Variants in SRFBP1 observed in about 807,000 individuals in gnomAD.
SRFBP1 encodes serum response factor binding protein 1.
In SRFBP1, 47 loss-of-function variants were observed where a neutral mutation model predicts 45.5. That is an observed-to-expected ratio of 1.03 (90% CI 0.82 to 1.32). The LOEUF is 1.32. Ranked by LOEUF, SRFBP1 falls within the 40% of genes most tolerant of loss-of-function variation. The pLI is 0.00. For synonymous variants in SRFBP1, 203 were observed against 166.3 expected, an observed-to-expected ratio of 1.22 and a Z score of -1.70; for missense variants, 621 against 484.6, an observed-to-expected ratio of 1.28 and a Z score of -2.64.
chr5:122,059,347 A>T lies in SRFBP1; in HGVS notation n.312-15968A>T, dbSNP rs868690753. Among the ~76,000 whole-genome samples, 9 of 152,156 alleles carry T rather than the reference A, an allele frequency of 5.9e-5. No homozygotes were observed. The Middle Eastern group carries it at 0.01, about 173-fold the overall frequency. ...GAGCAGGTTGCCTAAATTAGTGAGG[A>T]AACTGTACCATGTATGTGTTTTTTA... On this transcript the variant is annotated intron_variant and non_coding_transcript_variant, in intron 2 of 2. Coordinates refer to the SRFBP1 transcript ENST00000504881.
chr5:121,971,297 A>G (rs1752189676), intron 1 of SRFBP1, among the ~76,000 whole-genome samples: 1 of 152,024 alleles, frequency 6.6e-6, no homozygotes, highest in Admixed American at 6.6e-5. Context: ...AAGATAGGGA[A>G]AAAAGTGGTA....
At chr5:121,974,910 C>T (rs1290855444) in intron 2 of SRFBP1, among the ~76,000 whole-genome samples, 1 of 151,686 alleles carries the variant, frequency 6.6e-6, no homozygotes, top group Non-Finnish European at 1.5e-5. Context: ...TATAGCCCTT[C>T]TTTATTTTTT....
intron 2 of SRFBP1, among the ~76,000 whole-genome samples, chr5:122,067,305 GA>G (rs535456510): frequency 4.8e-4 from 70 of 146,378 alleles, no homozygotes; most frequent in South Asian, 8.6e-4. Context: ...TCTGTGAGGA[GA>G]AAAAAAAAAA....
At chr5:122,066,468 T>C (rs1336152980) in intron 2 of SRFBP1, 8 of 357,414 alleles carry the variant, frequency 2.2e-5, no homozygotes, top group Non-Finnish European at 4.1e-5. Context: ...TTGGATTTCT[T>C]TGAAAGAGTC....
chr5:122,060,543 TACA>T (rs1363374318), intron 2 of SRFBP1, among the ~76,000 whole-genome samples: 2 of 152,066 alleles, frequency 1.3e-5, no homozygotes, highest in Non-Finnish European at 2.9e-5. Context: ...CTGTAGTATC[TACA>T]ACGACTGGGT....
chr5:122,001,179 A>G (rs1420308948), intron 4 of SRFBP1, among the ~76,000 whole-genome samples: 1 of 151,926 alleles, frequency 6.6e-6, no homozygotes, highest in Non-Finnish European at 1.5e-5. Flanking sequence ...ACTTTAAAAT[A>G]TACTATGATA....
At chr5:122,069,286 G>A (rs1215533689) in intron 2 of SRFBP1, among the ~76,000 whole-genome samples, 1 of 152,086 alleles carries the variant, frequency 6.6e-6, no homozygotes, top group Non-Finnish European at 1.5e-5. Context: ...CATTCCAATG[G>A]AAATAGTATT....
chr5:122,053,816 A>G (rs1310256111), intron 2 of SRFBP1, among the ~76,000 whole-genome samples: 2 of 152,122 alleles, frequency 1.3e-5, no homozygotes, highest in Non-Finnish European at 2.9e-5. Flanking sequence ...CCTCCTGGCT[A>G]TCAGTGGTGG....
At chr5:122,066,539 C>A in intron 2 of SRFBP1, 2 of 492,342 alleles carry the variant, frequency 4.1e-6, no homozygotes, top group Middle Eastern at 5.3e-4. Flanking sequence ...AAATAATAAA[C>A]ATTAAAAATT....
chr5:122,025,628 A>G (rs1323187572), intron 7 of SRFBP1, among the ~76,000 whole-genome samples: 1 of 152,012 alleles, frequency 6.6e-6, no homozygotes, highest in African/African-American at 2.4e-5. Flanking sequence ...TTTTTTTTAA[A>G]CTTTTCATCT....
At chr5:122,064,280 G>A (rs1273144840) in intron 2 of SRFBP1, 2 of 151,274 alleles carry the variant, frequency 1.3e-5, no homozygotes, top group Admixed American at 6.6e-5. Flanking sequence ...TTTGAGTTTC[G>A]GCAGTTATTC....
chr5:121,982,574 G>A lies in SRFBP1; in HGVS notation c.198+7187G>A, dbSNP rs371504492. ...CATATGTGAAAAATAACGATAGTAT[G>A]TATTGTCTGTTTTTGAACCGCTTGC... On this transcript the variant is annotated intron_variant, in intron 3 of 7. Transcript: ENST00000339397. Among the ~76,000 whole-genome samples the A allele has an allele frequency of 8.5e-5, 13 of 152,048 alleles. No individual in the cohort carries two copies. In the East Asian group the frequency reaches 2.3e-3, roughly 27 times the overall value.
At chr5:122,008,004 G>C (rs1391420411) in intron 4 of SRFBP1, among the ~76,000 whole-genome samples, 2 of 152,130 alleles carry the variant, frequency 1.3e-5, no homozygotes, top group African/African-American at 2.4e-5. Flanking sequence ...AAGCCACTGA[G>C]GCAGACCTGG....
chr5:122,074,198 G>A (rs376957331), intron 2 of SRFBP1: 691 of 1,601,474 alleles, frequency 4.3e-4, no homozygotes, highest in Non-Finnish European at 5.7e-4. Context: ...AAAAGATGGT[G>A]GTCAGTTACA....
At chr5:121,994,490 A>C (rs529173617) in intron 3 of SRFBP1, 109 bp from the exon 4 acceptor site, 3 of 700,526 alleles carry the variant, frequency 4.3e-6, no homozygotes, top group Non-Finnish European at 7.2e-6. Flanking sequence ...TCTTTTCTCA[A>C]AATTAAGATG....
chr5:122,077,141 G>C, downstream of SRFBP1: 1 of 1,471,254 alleles, frequency 6.8e-7, no homozygotes, highest in East Asian at 2.4e-5. This position sits in a 1 kb window ranked among gnomAD's most constrained non-coding sequence, Gnocchi z 4.9. Context: ...CAAGAGAACT[G>C]GGGACGCCCG....
intron 4 of SRFBP1, among the ~76,000 whole-genome samples, chr5:122,002,279 C>T (rs912270247): frequency 2.0e-5 from 3 of 152,160 alleles, no homozygotes; most frequent in African/African-American, 7.2e-5. Context: ...CTTAAGGTTT[C>T]ATTAACATAG....
intron 2 of SRFBP1, among the ~76,000 whole-genome samples, chr5:122,033,819 G>GTTT (rs1240048813): frequency 7.3e-4 from 83 of 114,474 alleles, no homozygotes; most frequent in African/African-American, 2.0e-3. Context: ...TTTATTTTCA[G>GTTT]TTTTTTTTTT....
chr5:121,974,486 T>TC (rs1752263116), intron 2 of SRFBP1, among the ~76,000 whole-genome samples: 1 of 151,932 alleles, frequency 6.6e-6, no homozygotes, highest in Non-Finnish European at 1.5e-5. Context: ...CCATCATTGC[T>TC]CAAGATACAG....
Sources: allele counts gnomAD v4.1 joint callset (sites outside exome capture counted in the v4.1 genomes callset), GRCh38; gene constraint gnomAD v4.1.1; non-coding constraint Gnocchi (gnomAD v3.1); transcripts MANE v1.5; gene names NCBI Gene and HGNC (gene_info 2026-07-23, HGNC 2026-07-21).